Variants in AUTS2 observed in about 807,000 individuals in gnomAD.
AUTS2 encodes the protein activator of transcription and developmental regulator AUTS2.
AUTS2 carries 17 observed loss-of-function variants against 112.4 expected under a neutral mutation model. That is an observed-to-expected ratio of 0.15 (90% CI 0.10 to 0.23). The LOEUF (loss-of-function observed/expected upper bound fraction) is 0.23, where lower values mean the gene tolerates loss of function less well. AUTS2 is among the 10% of genes least tolerant of loss of function. The pLI is 1.00. For synonymous variants in AUTS2, 751 were observed against 702.7 expected (o/e 1.07, Z -1.09); for missense variants, 1,510 against 1,701.6 (o/e 0.89, Z 1.98).
intron 4 of AUTS2, among the ~76,000 whole-genome samples, chr7:70,245,364 G>C (rs574784670): frequency 6.6e-6 from 1 of 151,810 alleles, no homozygotes; most frequent in Non-Finnish European, 1.5e-5. Flanking sequence ...ATGGAAACTG[G>C]CAGCAATTTC....
chr7:70,550,476 T>C (rs1800973732), intron 5 of AUTS2, among the ~76,000 whole-genome samples: 1 of 152,148 alleles, frequency 6.6e-6, no homozygotes, highest in African/African-American at 2.4e-5. Context: ...TCCTGTGTCC[T>C]CAAAGAAGTT....
chr7:70,124,086 G>T (rs1260144340), intron 3 of AUTS2, among the ~76,000 whole-genome samples: 1 of 152,040 alleles, frequency 6.6e-6, no homozygotes, highest in Admixed American at 6.6e-5. Context: ...TTTTTGATTT[G>T]CATTTCTCTG....
At chr7:70,277,707 G>T (rs1480600115) in intron 4 of AUTS2, among the ~76,000 whole-genome samples, 2 of 152,134 alleles carry the variant, frequency 1.3e-5, no homozygotes, top group African/African-American at 2.4e-5. Context: ...GAGAAAAAAA[G>T]ATATTGATAA....
chr7:70,771,735 G>C (rs1440974155), intron 11 of AUTS2, 91 bp downstream of exon 11: 1 of 1,128,738 alleles, frequency 8.9e-7, no homozygotes, highest in Non-Finnish European at 1.3e-6. Flanking sequence ...TCTTGCCTGT[G>C]CAGTGACTCA....
At chr7:69,760,064 T>C (rs1562864490) in intron 1 of AUTS2, among the ~76,000 whole-genome samples, 1 of 151,820 alleles carries the variant, frequency 6.6e-6, no homozygotes, top group African/African-American at 2.4e-5. Context: ...TCTTCCATTG[T>C]ATAGTATGAA....
intron 1 of AUTS2, among the ~76,000 whole-genome samples, chr7:69,819,659 G>A (rs563267262): frequency 1.3e-5 from 2 of 152,322 alleles, no homozygotes; most frequent in South Asian, 4.1e-4. Context: ...AGTAAAAATT[G>A]TTTGCTTTTT....
chr7:69,936,235 G>A (rs1796404431), intron 2 of AUTS2, among the ~76,000 whole-genome samples: 1 of 151,994 alleles, frequency 6.6e-6, no homozygotes, highest in South Asian at 2.1e-4. Context: ...CAAAGCTTTA[G>A]GCCTCTTCTC....
chr7:70,707,575 C>T (rs1359946006), intron 6 of AUTS2, among the ~76,000 whole-genome samples: 5 of 152,238 alleles, frequency 3.3e-5, no homozygotes, highest in African/African-American at 1.2e-4. Context: ...GGCAGGAACC[C>T]TCAACAAGGG....
chr7:69,855,164 C>A (rs953599305), intron 1 of AUTS2, among the ~76,000 whole-genome samples: 1 of 152,198 alleles, frequency 6.6e-6, no homozygotes, highest in African/African-American at 2.4e-5. Context: ...ATGAGCTTCA[C>A]AATGTACGTG....
At chr7:70,168,277 G>A (rs1344092726) in intron 4 of AUTS2, among the ~76,000 whole-genome samples, 1 of 152,144 alleles carries the variant, frequency 6.6e-6, no homozygotes, top group Non-Finnish European at 1.5e-5. Context: ...GGCTCTCTGA[G>A]CAAGATGCCT....
intron 5 of AUTS2, among the ~76,000 whole-genome samples, chr7:70,526,150 A>C (rs1251736500): frequency 6.6e-6 from 1 of 152,222 alleles, no homozygotes; most frequent in African/African-American, 2.4e-5. Context: ...GTCTCTTGAC[A>C]TGCTTTTTCT....
At chr7:70,032,286 T>C (rs1004544961) in intron 2 of AUTS2, among the ~76,000 whole-genome samples, 1 of 152,128 alleles carries the variant, frequency 6.6e-6, no homozygotes, top group Non-Finnish European at 1.5e-5. Context: ...CTGAAATGAA[T>C]AGGCTCACTG....
intron 5 of AUTS2, among the ~76,000 whole-genome samples, chr7:70,542,174 T>C (rs978935789): frequency 6.7e-6 from 1 of 148,798 alleles, no homozygotes; most frequent in Non-Finnish European, 1.5e-5. Flanking sequence ...TTTACCAATC[T>C]AAAAAAAAAA....
chr7:70,641,551 CA>C (rs974794038), intron 5 of AUTS2, among the ~76,000 whole-genome samples: 1 of 151,370 alleles, frequency 6.6e-6, no homozygotes, highest in Non-Finnish European at 1.5e-5. Context: ...GACTCCATCT[CA>C]AAAAAAAGAA....
chr7:70,272,558 C>T (rs1787744530), intron 4 of AUTS2, among the ~76,000 whole-genome samples: 1 of 152,086 alleles, frequency 6.6e-6, no homozygotes, highest in African/African-American at 2.4e-5. Context: ...TGTTTAGTCT[C>T]TTAGACTTTA....
rs548002130 is a variant in AUTS2 at position 70,731,719 on chromosome 7, G to A, written c.743-31151G>A. On this transcript the variant is annotated intron_variant, in intron 6 of 18. Coordinates refer to ENST00000342771, the MANE Select transcript of AUTS2 (RefSeq NM_015570.4). ...GCTGGGATTACAGGCATGAGCCACC[G>A]CGCCCAGTCTCCTTTACCCAGATCT... 6.0e-5 allele frequency among the ~76,000 whole-genome samples: 9 copies of A among 150,274 alleles called. No individual in the cohort carries two copies. In the East Asian group the frequency reaches 1.0e-3, roughly 17 times the overall value.
rs886587128 is a variant in AUTS2 at position 70,036,784 on chromosome 7, G to A, written c.523-81348G>A. Among the ~76,000 whole-genome samples, 5 of 152,318 alleles carry A rather than the reference G, an allele frequency of 3.3e-5. No individual in the cohort carries two copies. In the South Asian group the frequency reaches 1.0e-3, roughly 32 times the overall value. ...GAAGACACCAAAACTGATGTCACTG[G>A]CTGTGCAGGCACTGAGCTAATTCTT... On this transcript the variant is annotated intron_variant, in intron 2 of 18. Coordinates refer to ENST00000342771, the MANE Select transcript of AUTS2 (RefSeq NM_015570.4).
At chr7:70,787,083 C>A in intron 17 of AUTS2, 126 bp from the exon 18 acceptor site, 1 of 881,274 alleles carries the variant, frequency 1.1e-6, no homozygotes, top group Non-Finnish European at 1.9e-6. Context: ...TTTCCTTTTC[C>A]AGCTCCCAAT....
At position 70,117,107 on chromosome 7, in the gene AUTS2, T is replaced by TTG. The variant is rs201225479; in HGVS notation, c.523-1024_523-1023insGT. Among the ~76,000 whole-genome samples the TTG allele has an allele frequency of 8.8e-4, 95 of 108,036 alleles. 3 individuals are homozygous for TTG. Among genetic ancestry groups the TTG allele is most frequent in the African/African-American group, 1.3e-3 (33 of 25,520 alleles). 70.9% of individuals were successfully genotyped at this position (108,036 alleles called of 152,430 possible). A position where few individuals can be genotyped will look rare whatever the true frequency, so the allele number is the denominator to read the frequency against. On this transcript the variant is annotated intron_variant, in intron 2 of 18. Transcript: ENST00000342771. ...TAAACTTCATGAGATGACTTTTGTT[T>TTG]TTTTTTTTTGTTTTTTTTTGTTTTT...
Sources: allele counts gnomAD v4.1 joint callset (sites outside exome capture counted in the v4.1 genomes callset), GRCh38; gene constraint gnomAD v4.1.1; transcripts MANE v1.5; gene names NCBI Gene and HGNC (gene_info 2026-07-23, HGNC 2026-07-21).